The following RYR2 variants were observed in gnomAD, a reference collection of about 807,000 sequenced individuals.
RYR2 encodes the protein ryanodine receptor 2.
In RYR2, 227 loss-of-function variants were observed where a neutral mutation model predicts 601.1. That is an observed-to-expected ratio of 0.38 (90% CI 0.34 to 0.42). RYR2 has a LOEUF of 0.42. RYR2 is among the 10% of genes least tolerant of loss of function. RYR2 has a pLI of 1.00. For missense variants in RYR2, 4,646 were observed against 6,156.5 expected, an observed-to-expected ratio of 0.75 and a Z score of 8.21; for synonymous variants, 2,223 against 2,175.1, an observed-to-expected ratio of 1.02 and a Z score of -0.61.
At position 237,494,114 on chromosome 1, in the gene RYR2, T is replaced by C. The variant is rs1020968678; in HGVS notation, c.1961+1027T>C. Among the ~76,000 whole-genome samples, 5 of 152,198 alleles carry C rather than the reference T, an allele frequency of 3.3e-5. No homozygotes were observed. The South Asian group carries it at 1.0e-3, about 32-fold the overall frequency. ...CTCTAGAGGCACAGGGCGAATAGGA[T>C]AGCTGTATATATGAAAGGGAGTTTA... On this transcript the variant is annotated intron_variant, in intron 19 of 104. Coordinates refer to ENST00000366574, the MANE Select transcript of RYR2 (RefSeq NM_001035.3).
chr1:237,724,248 A>G (rs1690017799), intron 74 of RYR2, among the ~76,000 whole-genome samples: 1 of 148,432 alleles, frequency 6.7e-6, no homozygotes, highest in African/African-American at 2.5e-5. Flanking sequence ...TAGATGATAA[A>G]TTAAATTATA....
intron 17 of RYR2, among the ~76,000 whole-genome samples, chr1:237,472,296 A>G (rs12142057): frequency 0.49 from 73,680 of 151,856 alleles, 18,932 homozygotes; most frequent in East Asian, 0.71. Context: ...TCATCTCGTT[A>G]GTGCCCTAGC....
At chr1:237,335,741 C>A (rs149375481) in intron 3 of RYR2, among the ~76,000 whole-genome samples, 1,760 of 152,158 alleles carry the variant, frequency 0.012, 32 homozygotes, top group African/African-American at 0.037. Context: ...TTACATCGTG[C>A]TCTTTGATGG....
At position 237,186,459 on chromosome 1, in the gene RYR2, T is replaced by C. The variant is rs867823693; in HGVS notation, c.49-84038T>C. 4.6e-5 allele frequency among the ~76,000 whole-genome samples: 7 copies of C among 152,224 alleles called. No homozygotes were observed. The South Asian group carries it at 1.4e-3, about 32-fold the overall frequency. On this transcript the variant is annotated intron_variant, in intron 1 of 104. Coordinates refer to ENST00000366574, the MANE Select transcript of RYR2 (RefSeq NM_001035.3). Reference sequence around the variant, plus strand: ...TTAGTGTCTGTTTAACTGGACTCAATTGAACACCTGGAGCTGTGTATTGAA... The same window carrying C: ...TTAGTGTCTGTTTAACTGGACTCAACTGAACACCTGGAGCTGTGTATTGAA...
At chr1:237,129,617 T>C (rs1258901460) in intron 1 of RYR2, among the ~76,000 whole-genome samples, 1 of 151,420 alleles carries the variant, frequency 6.6e-6, no homozygotes, top group Non-Finnish European at 1.5e-5. Context: ...ATGGGTAAAG[T>C]ATGAGATATA....
At chr1:237,642,281 C>T (rs1418368311) in intron 47 of RYR2, among the ~76,000 whole-genome samples, 1 of 152,052 alleles carries the variant, frequency 6.6e-6, no homozygotes, top group Non-Finnish European at 1.5e-5. Context: ...AAAGAGGAGT[C>T]ACAGGATAGA....
intron 2 of RYR2, among the ~76,000 whole-genome samples, chr1:237,280,191 C>T (rs1690715634): frequency 6.6e-6 from 1 of 152,144 alleles, no homozygotes; most frequent in African/African-American, 2.4e-5. Context: ...AACTGATCTT[C>T]TTATTCAAGT....
chr1:237,404,583 A>G lies in RYR2; in HGVS notation c.774-12466A>G, dbSNP rs1703689518. Among the ~76,000 whole-genome samples, 4 of 152,230 alleles carry G rather than the reference A, an allele frequency of 2.6e-5. No homozygotes were observed. In the South Asian group the frequency reaches 6.2e-4, roughly 24 times the overall value. On this transcript the variant is annotated intron_variant, in intron 10 of 104. Transcript: ENST00000366574. ...GATGTGGCCTCGAGATTCTCACCCC[A>G]GCTATACACATCCTGTATATAATTC...
chr1:237,738,022 A>T (rs903578433), intron 79 of RYR2, among the ~76,000 whole-genome samples: 3 of 151,816 alleles, frequency 2.0e-5, no homozygotes, highest in African/African-American at 7.3e-5. Context: ...CATTTTAAAA[A>T]TTAGCATCCC....
intron 38 of RYR2, among the ~76,000 whole-genome samples, chr1:237,621,587 G>A (rs982244135): frequency 2.6e-5 from 4 of 152,246 alleles, no homozygotes; most frequent in East Asian, 1.9e-4. Context: ...CCCTGCTGAC[G>A]TCAGGTGATA....
At chr1:237,650,196 A>T (rs1021088953) in intron 50 of RYR2, 99 bp downstream of exon 50, 19 of 1,123,632 alleles carry the variant, frequency 1.7e-5, no homozygotes, top group Admixed American at 6.0e-5. Context: ...AACATTTTCC[A>T]TACCACAAAT....
At chr1:237,815,714 T>G (rs1661745889) in intron 100 of RYR2, among the ~76,000 whole-genome samples, 1 of 152,174 alleles carries the variant, frequency 6.6e-6, no homozygotes, top group East Asian at 1.9e-4. Context: ...TTTGGTAATT[T>G]AGCCTCATTC....
chr1:237,766,017 G>C (rs185594925), intron 84 of RYR2, among the ~76,000 whole-genome samples: 6 of 152,144 alleles, frequency 3.9e-5, no homozygotes, highest in African/African-American at 1.4e-4. Flanking sequence ...AGGAATCAAG[G>C]GGGTGGATAA....
intron 88 of RYR2, among the ~76,000 whole-genome samples, chr1:237,781,296 C>T (rs560754523): frequency 6.6e-5 from 10 of 152,274 alleles, no homozygotes; most frequent in Admixed American, 3.9e-4. Flanking sequence ...GTGATCTGTG[C>T]GCCTCGGCCT....
chr1:237,320,965 G>T (rs201841012), intron 2 of RYR2, among the ~76,000 whole-genome samples: 3 of 146,646 alleles, frequency 2.0e-5, no homozygotes, highest in South Asian at 2.2e-4. Flanking sequence ...TCACATTTAG[G>T]TTTTTTTTTT....
Position 237,718,777 on chromosome 1 carries a change from A to T in RYR2, c.10554+256A>T, listed in dbSNP as rs1689468099. 2.6e-5 allele frequency among the ~76,000 whole-genome samples: 4 copies of T among 152,172 alleles called. No individual in the cohort carries two copies. The South Asian group carries it at 8.3e-4, about 32-fold the overall frequency. Reference sequence around the variant, plus strand: ...ATCAGTTGAAATACAGATTGGATGTATTCTTTTTTAATTATTATACTTTAA... The same window carrying T: ...ATCAGTTGAAATACAGATTGGATGTTTTCTTTTTTAATTATTATACTTTAA... On this transcript the variant is annotated intron_variant, in intron 73 of 104. Coordinates refer to ENST00000366574, the MANE Select transcript of RYR2 (RefSeq NM_001035.3).
intron 1 of RYR2, among the ~76,000 whole-genome samples, chr1:237,221,063 T>C (rs58253766): frequency 0.012 from 1,863 of 152,128 alleles, 48 homozygotes; most frequent in African/African-American, 0.043. Context: ...GCCACTGCAC[T>C]CCAGCCTGGG....
chr1:237,193,598 A>G (rs1558402240), intron 1 of RYR2, among the ~76,000 whole-genome samples: 1 of 152,238 alleles, frequency 6.6e-6, no homozygotes, highest in African/African-American at 2.4e-5. Context: ...TCCCCTCAGC[A>G]CTAAGCATTG....
chr1:237,657,852 T>A (rs912328490), intron 53 of RYR2, 92 bp from the exon 54 acceptor site: 20 of 663,988 alleles, frequency 3.0e-5, no homozygotes, highest in South Asian at 8.0e-5. Context: ...TTGAATGAGA[T>A]ATAAGCATTC....
Sources: gnomAD v4.1 joint callset for allele counts (sites outside exome capture counted in the v4.1 genomes callset) on GRCh38, gnomAD v4.1.1 for gene constraint, MANE v1.5 for transcripts, NCBI Gene and HGNC (gene_info 2026-07-23, HGNC 2026-07-21) for gene names.